Variants in CA10 observed in about 807,000 individuals in gnomAD.
CA10 encodes carbonic anhydrase 10 (inactive).
In CA10, 14 loss-of-function variants were observed where a neutral mutation model predicts 44.2. The observed-to-expected ratio is 0.32, with a 90% CI of 0.21 to 0.50. The LOEUF (loss-of-function observed/expected upper bound fraction) is 0.50. Among genes scored for constraint, CA10 ranks in the 20% least tolerant of loss-of-function variants. CA10 has a pLI of 0.99. For synonymous variants in CA10, 159 were observed against 141.6 expected (o/e 1.12, Z -0.87); for missense variants, 350 against 409.7 (o/e 0.85, Z 1.26).
chr17:52,121,687 CA>C (rs1989019423), intron 1 of CA10, among the ~76,000 whole-genome samples: 1 of 151,890 alleles, frequency 6.6e-6, no homozygotes, highest in East Asian at 1.9e-4. Flanking sequence ...GATACACACA[CA>C]CACACACACA....
chr17:51,901,585 T>C (rs1053372993), intron 3 of CA10, among the ~76,000 whole-genome samples: 2 of 152,086 alleles, frequency 1.3e-5, no homozygotes, highest in Non-Finnish European at 2.9e-5. Context: ...GTACTTGCAC[T>C]GGCAGTGGTG....
At chr17:51,813,692 C>T (rs141000947) in intron 3 of CA10, among the ~76,000 whole-genome samples, 45 of 152,302 alleles carry the variant, frequency 3.0e-4, no homozygotes, top group African/African-American at 9.9e-4. Flanking sequence ...TGCAATTACA[C>T]AGTGAGGGTG....
chr17:51,902,087 CT>C, intron 3 of CA10, among the ~76,000 whole-genome samples: 1 of 152,058 alleles, frequency 6.6e-6, no homozygotes, highest in South Asian at 2.1e-4. Flanking sequence ...CTTATAAGCC[CT>C]TGTTACAAGG....
chr17:51,859,065 A>G (rs1430324151), intron 3 of CA10, among the ~76,000 whole-genome samples: 1 of 152,142 alleles, frequency 6.6e-6, no homozygotes, highest in African/African-American at 2.4e-5. Flanking sequence ...ATTAATTGTT[A>G]GTTAATAATT....
At chr17:51,674,235 T>C (rs926555241) in intron 4 of CA10, among the ~76,000 whole-genome samples, 3 of 152,252 alleles carry the variant, frequency 2.0e-5, no homozygotes, top group Non-Finnish European at 4.4e-5. Context: ...CCATAAGCAC[T>C]AAATATACTT....
intron 3 of CA10, among the ~76,000 whole-genome samples, chr17:51,912,454 A>C (rs150602406): frequency 5.3e-5 from 8 of 152,292 alleles, no homozygotes; most frequent in Admixed American, 1.3e-4. Flanking sequence ...ACTGTGCTCC[A>C]TATGGTGCAG....
Position 51,798,891 on chromosome 17 carries a change from G to A in CA10, c.280-51073C>T, listed in dbSNP as rs376914341. On this transcript the variant is annotated intron_variant, in intron 3 of 8. Coordinates refer to ENST00000451037, the MANE Select transcript of CA10 (RefSeq NM_020178.5). The stretch of plus-strand genomic sequence containing the variant: ...AATTAAAATTTTATGCCAACTCTGC[G>A]CATCACCAAACATTTTTAATGGCTC... 1.7e-3 allele frequency among the ~76,000 whole-genome samples: 257 copies of A among 152,264 alleles called. 5 individuals carry two copies. The South Asian group carries it at 0.048, about 29-fold the overall frequency.
At chr17:51,657,613 G>T (rs1051298737) in intron 4 of CA10, among the ~76,000 whole-genome samples, 5 of 152,160 alleles carry the variant, frequency 3.3e-5, no homozygotes, top group Admixed American at 3.3e-4. Flanking sequence ...CCTGTGGATG[G>T]ATTTCTTTTT....
intron 3 of CA10, among the ~76,000 whole-genome samples, chr17:51,878,834 A>ATATATATAT (rs1980210052): frequency 2.3e-4 from 1 of 4,384 alleles, no homozygotes; most frequent in Non-Finnish European, 3.2e-4. Flanking sequence ...ATGTTCATAT[A>ATATATATAT]TATATATATA....
intron 3 of CA10, among the ~76,000 whole-genome samples, chr17:51,848,052 T>C (rs1256081850): frequency 1.3e-5 from 2 of 152,210 alleles, no homozygotes; most frequent in Non-Finnish European, 2.9e-5. Flanking sequence ...GGCATTCACC[T>C]TGGGCACAAA....
At chr17:51,800,187 G>A (rs762846931) in intron 3 of CA10, among the ~76,000 whole-genome samples, 5 of 152,070 alleles carry the variant, frequency 3.3e-5, no homozygotes, top group Non-Finnish European at 7.4e-5. Context: ...ATGAAGTACC[G>A]GTACATGCTA....
intron 1 of CA10, among the ~76,000 whole-genome samples, chr17:52,076,079 G>GT (rs1598201989): frequency 6.6e-6 from 1 of 152,154 alleles, no homozygotes; most frequent in Admixed American, 6.5e-5. Context: ...TAAAACCTGA[G>GT]TAAGATGACT....
chr17:51,714,135 C>T (rs1335134927), intron 4 of CA10, among the ~76,000 whole-genome samples: 1 of 152,132 alleles, frequency 6.6e-6, no homozygotes, highest in Non-Finnish European at 1.5e-5. Context: ...ACACCAGTTC[C>T]TGAGGCCTCC....
intron 2 of CA10, among the ~76,000 whole-genome samples, chr17:51,982,125 C>A (rs748284614): frequency 6.6e-6 from 1 of 151,976 alleles, no homozygotes; most frequent in Non-Finnish European, 1.5e-5. Flanking sequence ...CCTCCCTCTT[C>A]AAACATTTAG....
At chr17:51,902,567 T>C (rs1490333150) in intron 3 of CA10, among the ~76,000 whole-genome samples, 2 of 152,092 alleles carry the variant, frequency 1.3e-5, no homozygotes, top group Non-Finnish European at 2.9e-5. Flanking sequence ...CAGAACACAA[T>C]CTTAACTCTT....
At chr17:52,094,591 A>G (rs941857930) in intron 1 of CA10, among the ~76,000 whole-genome samples, 5 of 152,206 alleles carry the variant, frequency 3.3e-5, no homozygotes, top group Admixed American at 2.6e-4. Context: ...TATCCAAAAT[A>G]TACTCATACG....
chr17:52,123,195 A>G lies in CA10; in HGVS notation c.61+34531T>C, dbSNP rs185782136. Among the ~76,000 whole-genome samples, 466 of 152,334 alleles carry G rather than the reference A, an allele frequency of 3.1e-3. 4 individuals carry two copies. Among genetic ancestry groups the G allele is most frequent in the African/African-American group, 0.011 (448 of 41,572 alleles). ...GATATTTTGAAATACTGAGTTCTCA[A>G]AAATAATTATAATGAAATATTAACT... is the stretch of plus-strand genomic sequence containing the variant. On this transcript the variant is annotated intron_variant, in intron 1 of 8. Coordinates refer to ENST00000451037, the MANE Select transcript of CA10 (RefSeq NM_020178.5).
intron 2 of CA10, among the ~76,000 whole-genome samples, chr17:52,014,779 CAGT>C (rs1985916239): frequency 6.6e-6 from 1 of 151,998 alleles, no homozygotes; most frequent in Non-Finnish European, 1.5e-5. Flanking sequence ...TAAAAACTCA[CAGT>C]AGAAGATACC....
At chr17:51,643,233 CTA>C (rs1414166283) in intron 6 of CA10, among the ~76,000 whole-genome samples, 1 of 152,038 alleles carries the variant, frequency 6.6e-6, no homozygotes, top group African/African-American at 2.4e-5. Context: ...AATAAGAATA[CTA>C]CTTTTTATTT....
Sources: allele counts gnomAD v4.1 joint callset (sites outside exome capture counted in the v4.1 genomes callset), GRCh38; gene constraint gnomAD v4.1.1; transcripts MANE v1.5; gene names NCBI Gene and HGNC (gene_info 2026-07-23, HGNC 2026-07-21).